Variants in ZFHX3 observed in about 807,000 individuals in gnomAD.
ZFHX3 encodes the protein zinc finger homeobox 3, also known as zinc finger homeobox protein 3.
ZFHX3 carries 42 observed loss-of-function variants against 279.1 expected under a neutral mutation model. The ratio of observed to expected loss-of-function variants is 0.15; its 90% CI spans 0.12 to 0.19. The LOEUF is 0.19. Ranked by LOEUF, ZFHX3 falls within the 10% of genes least tolerant of loss-of-function variation. The pLI is 1.00. For missense variants in ZFHX3, 4,981 were observed against 4,754.0 expected (o/e 1.05, Z -1.40); for synonymous variants, 2,293 against 1,957.8 (o/e 1.17, Z -4.52).
At position 73,691,496 on chromosome 16, in the gene ZFHX3, C is replaced by T. The variant is rs559410520; in HGVS notation, c.-1607-11256G>A. Among the ~76,000 whole-genome samples the T allele has an allele frequency of 2.0e-5, 3 of 152,166 alleles. No individual in the cohort carries two copies. In the South Asian group the frequency reaches 6.2e-4, roughly 32 times the overall value. On this transcript the variant is annotated intron_variant, in intron 1 of 17. Transcript: ENST00000641206. ...ACAAATATGGATTTAAATCCTGGCT[C>T]TACCATGTTTATAGCTGGAGAACTT...
intron 2 of ZFHX3, among the ~76,000 whole-genome samples, chr16:73,675,763 A>T (rs949797245): frequency 1.3e-5 from 2 of 152,138 alleles, no homozygotes; most frequent in African/African-American, 4.8e-5. Context: ...TCTGAGTTAC[A>T]CAAAAATAAA....
At chr16:73,177,169 ACCAG>A (rs1357542641) in intron 5 of ZFHX3, among the ~76,000 whole-genome samples, 1 of 140,076 alleles carries the variant, frequency 7.1e-6, no homozygotes, top group Non-Finnish European at 1.5e-5. Flanking sequence ...CAACCAACCA[ACCAG>A]CCAACCAACC....
intron 1 of ZFHX3, among the ~76,000 whole-genome samples, chr16:73,685,051 T>C (rs1262074775): frequency 1.3e-5 from 2 of 148,278 alleles, no homozygotes; most frequent in Non-Finnish European, 3.0e-5. Context: ...AGTCTCACTC[T>C]GTCGCCAGGC....
chr16:73,056,405 GTAAGA>G (rs1965557749), intron 1 of ZFHX3, among the ~76,000 whole-genome samples: 1 of 151,622 alleles, frequency 6.6e-6, no homozygotes, highest in African/African-American at 2.4e-5. Flanking sequence ...ACCTAACATT[GTAAGA>G]TAAGAAGAGG....
intron 1 of ZFHX3, among the ~76,000 whole-genome samples, chr16:73,850,715 C>A (rs1199203644): frequency 6.6e-6 from 1 of 151,760 alleles, no homozygotes; most frequent in Admixed American, 6.6e-5. Flanking sequence ...TACTGGACAC[C>A]CAGGGCCGTG....
intron 4 of ZFHX3, among the ~76,000 whole-genome samples, chr16:72,840,654 T>G (rs924283316): frequency 3.3e-5 from 5 of 152,188 alleles, no homozygotes; most frequent in African/African-American, 1.2e-4. Flanking sequence ...GTTTGCCACC[T>G]TACTCTGAAG....
At chr16:73,513,460 C>T (rs2019467415) in intron 2 of ZFHX3, among the ~76,000 whole-genome samples, 1 of 152,156 alleles carries the variant, frequency 6.6e-6, no homozygotes, top group African/African-American at 2.4e-5. Flanking sequence ...GGAGCATTTT[C>T]CTATGACCAA....
chr16:73,297,028 C>T (rs938760614), intron 4 of ZFHX3, among the ~76,000 whole-genome samples: 1 of 151,766 alleles, frequency 6.6e-6, no homozygotes, highest in Non-Finnish European at 1.5e-5. Flanking sequence ...CAGGCGCCCA[C>T]CACCCTGCCC....
intron 2 of ZFHX3, among the ~76,000 whole-genome samples, chr16:73,667,997 C>A (rs958663154): frequency 6.6e-5 from 10 of 152,196 alleles, no homozygotes. Context: ...AGCTTCATTA[C>A]ATATGCAATG....
intron 1 of ZFHX3, among the ~76,000 whole-genome samples, chr16:73,727,688 C>G (rs1456326725): frequency 6.6e-6 from 1 of 152,150 alleles, no homozygotes; most frequent in Non-Finnish European, 1.5e-5. Context: ...GCTAATGGTT[C>G]TACCCTTTAC....
intron 2 of ZFHX3, among the ~76,000 whole-genome samples, chr16:73,638,814 A>C (rs7194568): frequency 0.96 from 146,393 of 152,212 alleles, 70,454 homozygotes; most frequent in East Asian, 1. Flanking sequence ...ATCAAGAACC[A>C]TGTTTCTTTC....
rs2143298828 is a variant in ZFHX3 at position 72,788,279 on chromosome 16, G to A, written c.9997C>T (p.Gln3333Ter). Reference sequence around the variant, plus strand: ...AGGCCTTCCATGCCATACATAGGCTGCAGGTACCCGCTCTGCAGGGCGCCA... The same window carrying A: ...AGGCCTTCCATGCCATACATAGGCTACAGGTACCCGCTCTGCAGGGCGCCA... ...IPGALQSGYL[Q>*]PMYGMEGLFP... Residue 3333 changes from glutamine to a stop codon, truncating the protein, a stop_gained, in exon 10 of 10, where the codon CAG (glutamine) becomes TAG (stop). Coordinates refer to ENST00000268489, the MANE Select transcript of ZFHX3 (RefSeq NM_006885.4). LOFTEE classifies it high-confidence loss of function. 1 of 1,614,194 alleles carries A rather than the reference G, an allele frequency of 6.2e-7. No individual in the cohort carries two copies. The highest frequency in any genetic ancestry group is 8.5e-7 in the Non-Finnish European group (1 of 1,180,032).
Position 73,113,793 on chromosome 16 carries a change from C to CTTTTTT in ZFHX3, c.-897+17169_-897+17174dup, listed in dbSNP as rs71391487. Among the ~76,000 whole-genome samples, 258 of 102,958 alleles carry CTTTTTT rather than the reference C, an allele frequency of 2.5e-3. 11 individuals carry two copies. Among genetic ancestry groups the CTTTTTT allele is most frequent in the East Asian group, 3.1e-3 (11 of 3,520 alleles). 67.5% of individuals were successfully genotyped at this position (102,958 alleles called of 152,430 possible). On this transcript the variant is annotated intron_variant, in intron 7 of 17. Transcript: ENST00000641206. Reference sequence around the variant, plus strand: ...CATGACCAAGACTCTTTTTTGGAAACTTTTTTTTTTTTTTTTTTTTAGACA... The same window carrying CTTTTTT: ...CATGACCAAGACTCTTTTTTGGAAACTTTTTTTTTTTTTTTTTTTTTTTTTTAGACA...
At chr16:73,712,960 T>G (rs1163413079) in intron 1 of ZFHX3, among the ~76,000 whole-genome samples, 1 of 152,194 alleles carries the variant, frequency 6.6e-6, no homozygotes, top group East Asian at 1.9e-4. Flanking sequence ...GGCTCCGCAT[T>G]GCTCAGAGCC....
intron 6 of ZFHX3, among the ~76,000 whole-genome samples, chr16:73,140,024 TTGGGAGGCCACGG>T (rs1966842878): frequency 6.6e-6 from 1 of 152,164 alleles, no homozygotes; most frequent in African/African-American, 2.4e-5. Context: ...TCCCAGCGCC[TTGGGAGGCCACGG>T]TGGGAGAATC....
chr16:73,487,309 G>A (rs758995046), intron 2 of ZFHX3: 2 of 327,732 alleles, frequency 6.1e-6, no homozygotes, highest in Non-Finnish European at 1.2e-5. Flanking sequence ...GCTGTAGGGT[G>A]CAGTTACTCA....
intron 1 of ZFHX3, among the ~76,000 whole-genome samples, chr16:73,887,423 G>A (rs2030382708): frequency 6.6e-6 from 1 of 152,064 alleles, no homozygotes; most frequent in South Asian, 2.1e-4. Context: ...ACTCCAAATC[G>A]ATTTCTATAC....
intron 4 of ZFHX3, among the ~76,000 whole-genome samples, chr16:72,852,575 A>C (rs1422300240): frequency 6.6e-6 from 1 of 152,266 alleles, no homozygotes; most frequent in South Asian, 2.1e-4. Context: ...ACAATGGATG[A>C]TTTAAAAGTA....
chr16:73,450,505 C>G (rs1453050677), intron 3 of ZFHX3, among the ~76,000 whole-genome samples: 1 of 151,990 alleles, frequency 6.6e-6, no homozygotes, highest in Non-Finnish European at 1.5e-5. Context: ...GCTTTTAACA[C>G]GTGTTTGTGG....
Sources: allele counts gnomAD v4.1 joint callset (sites outside exome capture counted in the v4.1 genomes callset), GRCh38; gene constraint gnomAD v4.1.1; transcripts MANE v1.5; gene names NCBI Gene and HGNC (gene_info 2026-07-23, HGNC 2026-07-21).